THSD7B: variants seen among roughly 807,000 people sequenced by gnomAD.
THSD7B encodes thrombospondin type 1 domain containing 7B.
A neutral mutation model predicts 213.6 loss-of-function variants in THSD7B; 138 were observed. That is an observed-to-expected ratio of 0.65 (90% CI 0.56 to 0.74). The LOEUF (loss-of-function observed/expected upper bound fraction) is 0.74, where lower values mean the gene tolerates loss of function less well. Among genes scored for constraint, THSD7B ranks in the 30% least tolerant of loss-of-function variants. THSD7B has a pLI of 0.00. For synonymous variants in THSD7B, 742 were observed against 687.0 expected, an observed-to-expected ratio of 1.08 and a Z score of -1.25; for missense variants, 1,931 against 1,991.5, an observed-to-expected ratio of 0.97 and a Z score of 0.58.
chr2:137,230,906 G>A, intron 7 of THSD7B, 138 bp from the exon 8 acceptor site: 2 of 823,842 alleles, frequency 2.4e-6, no homozygotes, highest in Non-Finnish European at 3.7e-6. Context: ...TCTCCTGGCA[G>A]TTTTTTCTGA....
At chr2:137,375,279 A>T (rs1377148605) in intron 12 of THSD7B, among the ~76,000 whole-genome samples, 1 of 152,136 alleles carries the variant, frequency 6.6e-6, no homozygotes, top group Non-Finnish European at 1.5e-5. Flanking sequence ...TAACAGGTTA[A>T]AAAAAACACT....
intron 12 of THSD7B, among the ~76,000 whole-genome samples, chr2:137,401,422 TAA>T (rs1294517172): frequency 1.3e-5 from 2 of 152,226 alleles, no homozygotes; most frequent in African/African-American, 2.4e-5. Context: ...ACACAGTAAT[TAA>T]ATTAATGTTT....
intron 21 of THSD7B, among the ~76,000 whole-genome samples, chr2:137,652,954 G>T (rs1449455937): frequency 1.3e-5 from 2 of 151,966 alleles, no homozygotes; most frequent in African/African-American, 4.8e-5. Context: ...GCTTATTTGG[G>T]GCTTCAAATT....
intron 2 of THSD7B, among the ~76,000 whole-genome samples, chr2:136,922,947 G>C (rs1408534224): frequency 6.6e-6 from 1 of 152,156 alleles, no homozygotes; most frequent in East Asian, 1.9e-4. Flanking sequence ...TTTTTTACCA[G>C]TGTCTTTTTT....
intron 15 of THSD7B, among the ~76,000 whole-genome samples, chr2:137,538,028 G>A (rs1409447768): frequency 6.6e-6 from 1 of 151,662 alleles, no homozygotes; most frequent in Non-Finnish European, 1.5e-5. Flanking sequence ...AAGTGTCATG[G>A]GATCCACATT....
chr2:137,409,074 A>C (rs1073128), intron 13 of THSD7B, among the ~76,000 whole-genome samples: 85,324 of 152,108 alleles, frequency 0.56, 27,096 homozygotes, highest in East Asian at 0.77. Context: ...CAAATCATAT[A>C]GGTCCTTGAT....
At chr2:137,672,472 T>C (rs1456911473) in intron 27 of THSD7B, among the ~76,000 whole-genome samples, 6 of 152,180 alleles carry the variant, frequency 3.9e-5, no homozygotes, top group Admixed American at 6.5e-5. Flanking sequence ...CTTCCACATT[T>C]CCTAGAGGAT....
chr2:137,672,510 TGACCTATTACA>T (rs1268235395), intron 27 of THSD7B, among the ~76,000 whole-genome samples: 2 of 152,334 alleles, frequency 1.3e-5, no homozygotes, highest in African/African-American at 4.8e-5. Flanking sequence ...AGTAAGCTGT[TGACCTATTACA>T]GACCTATTGT....
intron 12 of THSD7B, among the ~76,000 whole-genome samples, chr2:137,344,199 C>T (rs973491692): frequency 6.6e-6 from 1 of 151,554 alleles, no homozygotes. Flanking sequence ...AAGCCACTCC[C>T]CCATATCTGT....
chr2:137,597,607 G>A (rs1017486425), intron 17 of THSD7B, among the ~76,000 whole-genome samples: 2 of 151,858 alleles, frequency 1.3e-5, no homozygotes, highest in African/African-American at 4.8e-5. Context: ...GTCAAACTAC[G>A]GAGAACATAT....
chr2:137,402,644 C>G (rs1436692489), intron 12 of THSD7B, among the ~76,000 whole-genome samples: 1 of 151,672 alleles, frequency 6.6e-6, no homozygotes, highest in Admixed American at 6.6e-5. Context: ...TGATGAAACC[C>G]CATCTCTACT....
At chr2:137,600,241 A>G (rs761784680) in intron 17 of THSD7B, among the ~76,000 whole-genome samples, 7 of 152,212 alleles carry the variant, frequency 4.6e-5, no homozygotes, top group Non-Finnish European at 1.0e-4. Context: ...CAAAATGAGC[A>G]TTCAGCTTTG....
At chr2:137,184,589 G>T (rs75075757) in intron 7 of THSD7B, among the ~76,000 whole-genome samples, 1,675 of 152,034 alleles carry the variant, frequency 0.011, 38 homozygotes, top group African/African-American at 0.038. Flanking sequence ...TGCAATCTAG[G>T]GGAATTTTTT....
chr2:137,396,613 TGTG>T (rs1686196804), intron 12 of THSD7B, among the ~76,000 whole-genome samples: 1 of 138,682 alleles, frequency 7.2e-6, no homozygotes, highest in African/African-American at 2.7e-5. Context: ...ATAGGTGTGG[TGTG>T]GTGCTGAAAA....
At chr2:136,888,316 C>G (rs1226296266) in intron 2 of THSD7B, among the ~76,000 whole-genome samples, 2 of 151,884 alleles carry the variant, frequency 1.3e-5, no homozygotes, top group African/African-American at 2.4e-5. Flanking sequence ...AAAAAAGAGA[C>G]TATGAAAATT....
chr2:137,003,719 T>C (rs1271158624), intron 2 of THSD7B, among the ~76,000 whole-genome samples: 1 of 152,138 alleles, frequency 6.6e-6, no homozygotes, highest in Non-Finnish European at 1.5e-5. Context: ...CTATCTGTAT[T>C]AGGCCTCTCC....
chr2:137,465,033 T>G (rs1687964886), intron 15 of THSD7B, among the ~76,000 whole-genome samples: 1 of 152,014 alleles, frequency 6.6e-6, no homozygotes, highest in Non-Finnish European at 1.5e-5. Context: ...GCCCAAAGCA[T>G]GTTCCAATTT....
At chr2:137,036,650 C>A (rs753251640) in intron 2 of THSD7B, among the ~76,000 whole-genome samples, 13 of 152,264 alleles carry the variant, frequency 8.5e-5, no homozygotes, top group Non-Finnish European at 1.5e-4. Context: ...AAGTTTAAAT[C>A]AAAATAGTGT....
intron 2 of THSD7B, among the ~76,000 whole-genome samples, chr2:136,952,085 T>G (rs1573730146): frequency 6.6e-6 from 1 of 152,112 alleles, no homozygotes; most frequent in East Asian, 1.9e-4. Context: ...GGCCAGCTGG[T>G]CTCGAACTCC....
Sources: gnomAD v4.1 joint callset for allele counts (sites outside exome capture counted in the v4.1 genomes callset) on GRCh38, gnomAD v4.1.1 for gene constraint, MANE v1.5 for transcripts, NCBI Gene and HGNC (gene_info 2026-07-23, HGNC 2026-07-21) for gene names.